The following R3HDM2 variants were observed in gnomAD, a reference collection of about 807,000 sequenced individuals.
R3HDM2 encodes the protein R3H domain containing 2, also known as R3H domain-containing protein 2.
In R3HDM2, 38 loss-of-function variants were observed where a neutral mutation model predicts 124.5. That is an observed-to-expected ratio of 0.31 (90% CI 0.24 to 0.40). The LOEUF is 0.40. R3HDM2 is among the 10% of genes least tolerant of loss of function. The pLI, the probability that R3HDM2 is intolerant of heterozygous loss-of-function variation, is 1.00. For synonymous variants in R3HDM2, 391 were observed against 448.0 expected (o/e 0.87, Z 1.61); for missense variants, 869 against 1,236.9 (o/e 0.70, Z 4.46).
At position 57,323,649 on chromosome 12, in the gene R3HDM2, C is replaced by T. The variant is rs376416269; in HGVS notation, c.-35-13186G>A. Among the ~76,000 whole-genome samples, 19 of 152,264 alleles carry T rather than the reference C, an allele frequency of 1.2e-4. No homozygotes were observed. In the South Asian group the frequency reaches 3.3e-3, roughly 27 times the overall value. On this transcript the variant is annotated intron_variant, in intron 2 of 23. Transcript: ENST00000402412. ...AGAAACAAGATTAAAATGTTCTGGA[C>T]GTGTATACCCTCTTTATTTGCTCAG... is the stretch of plus-strand genomic sequence containing the variant.
intron 2 of R3HDM2, among the ~76,000 whole-genome samples, chr12:57,350,764 G>C (rs1365874910): frequency 6.6e-6 from 1 of 152,100 alleles, no homozygotes; most frequent in African/African-American, 2.4e-5. Flanking sequence ...AGACCAGCCT[G>C]GGCAACATAG....
intron 2 of R3HDM2, among the ~76,000 whole-genome samples, chr12:57,312,727 C>G (rs2139148376): frequency 6.6e-6 from 1 of 151,926 alleles, no homozygotes; most frequent in African/African-American, 2.4e-5. Context: ...AAAAATTAGC[C>G]TGACGTGGTG....
chr12:57,337,665 G>T (rs1271191416), intron 2 of R3HDM2, among the ~76,000 whole-genome samples: 1 of 152,110 alleles, frequency 6.6e-6, no homozygotes, highest in African/African-American at 2.4e-5. Context: ...CTATAACCTT[G>T]TGTATGTGTG....
intron 1 of R3HDM2, among the ~76,000 whole-genome samples, chr12:57,400,090 C>A (rs1026931423): frequency 6.6e-6 from 1 of 152,018 alleles, no homozygotes; most frequent in African/African-American, 2.4e-5. Context: ...GGGTATATAC[C>A]CAAAGGATTA....
intron 2 of R3HDM2, among the ~76,000 whole-genome samples, chr12:57,344,775 T>C (rs943517544): frequency 1.3e-5 from 2 of 151,936 alleles, no homozygotes; most frequent in African/African-American, 4.8e-5. Flanking sequence ...AGGTATCAAA[T>C]GTGAACACTG....
At chr12:57,267,717 A>T (rs570997262) in intron 18 of R3HDM2, among the ~76,000 whole-genome samples, 2 of 152,120 alleles carry the variant, frequency 1.3e-5, no homozygotes, top group Admixed American at 1.3e-4. Flanking sequence ...AGTTGCCCAG[A>T]CTCCAGTTCT....
At chr12:57,304,145 G>A (rs1037479946) in intron 3 of R3HDM2, among the ~76,000 whole-genome samples, 3 of 152,080 alleles carry the variant, frequency 2.0e-5, no homozygotes, top group Non-Finnish European at 4.4e-5. Context: ...CTCCCTCCCT[G>A]AGTTATCAGG....
chr12:57,409,164 C>T (rs1041660456), intron 1 of R3HDM2, among the ~76,000 whole-genome samples: 1 of 152,076 alleles, frequency 6.6e-6, no homozygotes, highest in African/African-American at 2.4e-5. Flanking sequence ...TCCCAAGTAC[C>T]TTATCTGACA....
chr12:57,314,363 C>T (rs1044962681), intron 2 of R3HDM2, among the ~76,000 whole-genome samples: 4 of 152,040 alleles, frequency 2.6e-5, no homozygotes, highest in African/African-American at 9.7e-5. Flanking sequence ...CCTGCAATCC[C>T]GGCTAACAGG....
chr12:57,290,735 CCT>C (rs772784348), intron 11 of R3HDM2, among the ~76,000 whole-genome samples: 1 of 152,208 alleles, frequency 6.6e-6, no homozygotes, highest in South Asian at 2.1e-4. Flanking sequence ...GCCTCAGCCC[CCT>C]GAGTAGCTGG....
Position 57,258,046 on chromosome 12 carries a change from C to A in R3HDM2, c.2393G>T (p.Gly798Val). The A allele has an allele frequency of 1.2e-6, 2 of 1,600,130 alleles. No individual in the cohort carries two copies. The highest frequency in any genetic ancestry group is 1.7e-6 in the Non-Finnish European group (2 of 1,170,348). ...TGTGAGGACAGGCAGGGGACTGAGT[C>A]CTGTGCAGACACTGCTGAGGCTGGT... Reference protein sequence around the residue: ...PVTSLSSVCTGLSPLPVLTQF... With the variant: ...PVTSLSSVCTVLSPLPVLTQF... The change falls in exon 21 of 24, where the codon GGA becomes GTA. Residue 798 changes from glycine to valine, a missense_variant. Gly to Val is a moderately radical substitution (Grantham distance 109). Coordinates refer to ENST00000402412, the MANE Select transcript of R3HDM2 (RefSeq NM_001394031.1).
chr12:57,327,246 C>T, intron 2 of R3HDM2, among the ~76,000 whole-genome samples: 1 of 152,066 alleles, frequency 6.6e-6, no homozygotes, highest in East Asian at 1.9e-4. Context: ...GCAGGCAGAT[C>T]ACCTGAGGTT....
At position 57,268,978 on chromosome 12, in the gene R3HDM2, T is replaced by C. The variant is rs377087670; in HGVS notation, c.1819A>G (p.Met607Val). 4.6e-5 allele frequency: 75 copies of C among 1,614,100 alleles called. No homozygotes were observed. The highest frequency in any genetic ancestry group is 6.1e-5 in the Non-Finnish European group (72 of 1,180,052). Residue 607 changes from methionine to valine, a missense_variant, in exon 17 of 24, where the codon ATG becomes GTG. Around this residue, in one of 2 missense-constraint regions of R3HDM2, gnomAD observed 602 missense variants for 789.2 expected, o/e 0.76. Coordinates refer to ENST00000402412, the MANE Select transcript of R3HDM2 (RefSeq NM_001394031.1). ...QGLLSSQRSS[M>V]GGQMQGLVVQ... is the part of the protein sequence containing the mutation. Reference sequence around the variant, plus strand: ...ACCAGGCCTTGCATCTGGCCCCCCATGCTGCTCCTCTGGCTGCTGAGCAGG... The same window carrying C: ...ACCAGGCCTTGCATCTGGCCCCCCACGCTGCTCCTCTGGCTGCTGAGCAGG...
At chr12:57,328,689 T>C (rs1261088343) in intron 2 of R3HDM2, among the ~76,000 whole-genome samples, 1 of 152,104 alleles carries the variant, frequency 6.6e-6, no homozygotes, top group African/African-American at 2.4e-5. Flanking sequence ...CAGGTATGTG[T>C]CACTGCACCT....
intron 2 of R3HDM2, among the ~76,000 whole-genome samples, chr12:57,391,911 C>T (rs1354621580): frequency 6.6e-6 from 1 of 152,224 alleles, no homozygotes; most frequent in Non-Finnish European, 1.5e-5. Flanking sequence ...CCTGTAATCC[C>T]AGCACTGTGG....
intron 7 of R3HDM2, 56 bp from the exon 8 acceptor site, chr12:57,297,443 G>T: frequency 3.6e-6 from 4 of 1,096,080 alleles, no homozygotes; most frequent in South Asian, 3.0e-5. Flanking sequence ...CCCTCCCATA[G>T]ACATTGAAAG....
chr12:57,274,720 G>A (rs1442561984), intron 14 of R3HDM2, among the ~76,000 whole-genome samples: 1 of 152,012 alleles, frequency 6.6e-6, no homozygotes, highest in African/African-American at 2.4e-5. Context: ...AAAACCATGA[G>A]GAAATTTATT....
intron 23 of R3HDM2, 135 bp from the exon 24 acceptor site, chr12:57,255,248 C>A (rs1393590888): frequency 3.0e-6 from 2 of 659,596 alleles, no homozygotes; most frequent in Non-Finnish European, 4.9e-6. Flanking sequence ...TCTCTCTTAG[C>A]CCTTTCTTCC....
intron 2 of R3HDM2, among the ~76,000 whole-genome samples, chr12:57,373,530 C>T (rs2063631432): frequency 6.6e-6 from 1 of 151,742 alleles, no homozygotes; most frequent in South Asian, 2.1e-4. Context: ...ATAATAGAGG[C>T]TGGGCACAGT....
Sources: gnomAD v4.1 joint callset for allele counts (sites outside exome capture counted in the v4.1 genomes callset) on GRCh38, gnomAD v4.1.1 for gene constraint, gnomAD v4.1.1 regional missense constraint, MANE v1.5 for transcripts, NCBI Gene and HGNC (gene_info 2026-07-23, HGNC 2026-07-21) for gene names.